Variants in BBS5 observed in about 807,000 individuals in gnomAD.
BBS5 encodes the protein Bardet-Biedl syndrome 5, also known as BBSome complex member BBS5.
A neutral mutation model predicts 50.2 loss-of-function variants in BBS5; 39 were observed. The ratio of observed to expected loss-of-function variants is 0.78; its 90% CI spans 0.60 to 1.01. The LOEUF (loss-of-function observed/expected upper bound fraction) is 1.01, where lower values mean the gene tolerates loss of function less well. Ranked by LOEUF, BBS5 falls within the 50% of genes least tolerant of loss-of-function variation. BBS5 has a pLI of 0.00. For missense variants in BBS5, 356 were observed against 401.5 expected (o/e 0.89, Z 0.97); for synonymous variants, 134 against 133.1 (o/e 1.01, Z -0.05).
In BBS5 at chr2:169,487,108, C is replaced by G. The variant is rs1683499518; in HGVS notation, c.182C>G (p.Ser61Cys). Reference protein sequence around the residue: ...LVTNLRILWHSLALSRVNVSV... With the variant: ...LVTNLRILWHCLALSRVNVSV... ...ACAAATTTAAGAATTCTCTGGCACT[C>G]TTTGGCATTATCAAGAGTCAATGTT... Residue 61 changes from serine to cysteine, a missense_variant, in exon 3 of 12, where the codon TCT (serine) becomes TGT (cysteine). Ser to Cys is a moderately radical substitution (Grantham distance 112). Transcript: ENST00000295240. The G allele has an allele frequency of 6.2e-7, 1 of 1,611,754 alleles. No individual in the cohort carries two copies. Among genetic ancestry groups the G allele is most frequent in the African/African-American group, 1.3e-5 (1 of 74,978 alleles).
intron 10 of BBS5, among the ~76,000 whole-genome samples, chr2:169,503,866 A>G (rs2105303965): frequency 6.6e-6 from 1 of 152,348 alleles, no homozygotes; most frequent in Non-Finnish European, 1.5e-5. Context: ...ATAAACTACT[A>G]CTGCCTCAAA....
chr2:169,481,426 G>T (rs937563334), intron 1 of BBS5, among the ~76,000 whole-genome samples: 3 of 152,176 alleles, frequency 2.0e-5, no homozygotes, highest in African/African-American at 4.8e-5. Context: ...GCAGAGAGAG[G>T]TTGGAAGTAC....
intron 2 of BBS5, among the ~76,000 whole-genome samples, chr2:169,484,955 AG>A (rs1683464273): frequency 6.7e-6 from 1 of 149,952 alleles, no homozygotes; most frequent in South Asian, 2.1e-4. Flanking sequence ...TTGGAGCCAT[AG>A]GCTGGGGTTC....
rs1215914413 is a variant in BBS5, at chr2:169,506,222, T to G, written c.*1640T>G. The G allele has an allele frequency of 1.4e-5, 2 of 143,024 alleles. No homozygotes were observed. Among genetic ancestry groups the G allele is most frequent in the African/African-American group, 2.8e-5 (1 of 35,696 alleles). 8.9% of individuals were successfully genotyped at this position (143,024 alleles called of 1,614,324 possible). On this transcript the variant is annotated 3_prime_UTR_variant, in exon 12 of 12. Coordinates refer to ENST00000295240, the MANE Select transcript of BBS5 (RefSeq NM_152384.3). ...CCGGCCAGCCGCCCCGTCCGGGAGG[T>G]TAGGGGCGCCTCTGCCCGGCCGCCC...
chr2:169,501,706 G>T (rs1359668199), intron 9 of BBS5, among the ~76,000 whole-genome samples: 1 of 152,052 alleles, frequency 6.6e-6, no homozygotes, highest in Non-Finnish European at 1.5e-5. Context: ...TCATGCCATT[G>T]CACTGCAGCA....
intron 5 of BBS5, among the ~76,000 whole-genome samples, chr2:169,488,546 C>T (rs1232096935): frequency 6.6e-6 from 1 of 152,166 alleles, no homozygotes; most frequent in African/African-American, 2.4e-5. Context: ...GCTCACTCAC[C>T]CCCCAACCAC....
chr2:169,498,449 AATGTC>A (rs1476716642), intron 8 of BBS5, among the ~76,000 whole-genome samples: 1 of 152,142 alleles, frequency 6.6e-6, no homozygotes, highest in Non-Finnish European at 1.5e-5. Context: ...AACTATACCA[AATGTC>A]ATATATATGT....
rs1420403039 is a variant in BBS5 at position 169,493,801 on chromosome 2, G to C, written c.583G>C (p.Asp195His). Reference sequence around the variant, plus strand: ...AATTGTGTGGCATGCAAATATGAATGATAGTTTTAATGTCAGTATACCATA... The same window carrying C: ...AATTGTGTGGCATGCAAATATGAATCATAGTTTTAATGTCAGTATACCATA... The part of the protein sequence containing the change: ...VRIVWHANMN[D>H]SFNVSIPYLQ... Residue 195 changes from aspartate (D) to histidine (H), a missense_variant, in exon 7 of 12, where the codon GAT (aspartate) becomes CAT (histidine). By Grantham distance (81) the Asp-to-His change is moderately conservative. Transcript: ENST00000295240. 9 of 1,611,950 alleles carry C rather than the reference G, an allele frequency of 5.6e-6. No individual in the cohort carries two copies. In the African/African-American group the frequency reaches 1.2e-4, roughly 22 times the overall value.
intron 9 of BBS5, 23 bp from the exon 10 acceptor site, chr2:169,503,072 T>C: frequency 6.3e-7 from 1 of 1,581,508 alleles, no homozygotes; most frequent in Non-Finnish European, 8.7e-7. Context: ...CTCTGATGCA[T>C]TTTAACATCT....
At chr2:169,499,684 T>G in intron 9 of BBS5, 64 bp downstream of exon 9, 1 of 1,480,378 alleles carries the variant, frequency 6.8e-7, no homozygotes, top group Non-Finnish European at 9.4e-7. Context: ...AATTCAGATG[T>G]AGATACCACT....
At chr2:169,503,248 G>A in intron 10 of BBS5, 70 bp downstream of exon 10, 1 of 1,258,328 alleles carries the variant, frequency 7.9e-7, no homozygotes, top group Non-Finnish European at 1.1e-6. Context: ...TAAAATAATG[G>A]TGTGTGTGAA....
intron 2 of BBS5, among the ~76,000 whole-genome samples, chr2:169,486,816 A>T (rs921507651): frequency 4.6e-5 from 7 of 152,176 alleles, no homozygotes; most frequent in Admixed American, 3.9e-4. Context: ...AGTCAGTTTG[A>T]GTTAGAGCAA....
chr2:169,504,656 A>G lies in BBS5; in HGVS notation c.*74A>G, dbSNP rs1683869657. 4.0e-6 allele frequency: 5 copies of G among 1,245,106 alleles called. No homozygotes were observed. The highest frequency in any genetic ancestry group is 3.5e-6 in the Non-Finnish European group (3 of 846,292). The allele number at this position is 1,245,106 out of a possible 1,614,324, so 77.1% of individuals were successfully genotyped here. On this transcript the variant is annotated 3_prime_UTR_variant, in exon 12 of 12. Transcript: ENST00000295240. ...AGATACTAGTCACCTGCCATAAGTC[A>G]TGGAATAGTTTTTATATTTACAGCT...
At chr2:169,502,433 A>G (rs1174524029) in intron 9 of BBS5, among the ~76,000 whole-genome samples, 1 of 152,222 alleles carries the variant, frequency 6.6e-6, no homozygotes, top group African/African-American at 2.4e-5. Context: ...GTTGAAGCAT[A>G]TAATAGTGTT....
chr2:169,486,165 G>A (rs1357065203), intron 2 of BBS5, among the ~76,000 whole-genome samples: 1 of 152,158 alleles, frequency 6.6e-6, no homozygotes, highest in Non-Finnish European at 1.5e-5. Flanking sequence ...TTTCACTCCA[G>A]TATTCGTACA....
intron 3 of BBS5, 74 bp from the exon 4 acceptor site, chr2:169,487,732 C>T (rs1683510326): frequency 3.7e-6 from 4 of 1,088,058 alleles, no homozygotes; most frequent in African/African-American, 3.2e-5. Context: ...TCTGTGTATA[C>T]TTTTTTTTTA....
intron 5 of BBS5, among the ~76,000 whole-genome samples, chr2:169,490,310 C>G (rs1186311851): frequency 6.6e-6 from 1 of 150,826 alleles, no homozygotes; most frequent in Admixed American, 6.6e-5. Flanking sequence ...TCTCCTGCCT[C>G]AGCCTCCCGA....
Position 169,489,517 on chromosome 2 carries a change from G to C in BBS5, c.386+1403G>C, listed in dbSNP as rs527799573. ...GACGGGGTCTCACTTTGTTGTCCAA[G>C]CTGGTTTCCAACTCCTGGGCTCAAG... On this transcript the variant is annotated intron_variant, in intron 5 of 11. Transcript: ENST00000295240. 6.6e-4 allele frequency among the ~76,000 whole-genome samples: 100 copies of C among 150,648 alleles called. No homozygotes were observed. The South Asian group carries it at 0.021, about 31-fold the overall frequency.
At chr2:169,503,694 A>C (rs1259016473) in intron 10 of BBS5, among the ~76,000 whole-genome samples, 1 of 152,234 alleles carries the variant, frequency 6.6e-6, no homozygotes, top group African/African-American at 2.4e-5. Context: ...TTTGAAATGG[A>C]CATGTATTTG....
Sources: allele counts gnomAD v4.1 joint callset (sites outside exome capture counted in the v4.1 genomes callset), GRCh38; gene constraint gnomAD v4.1.1; transcripts MANE v1.5; gene names NCBI Gene and HGNC (gene_info 2026-07-23, HGNC 2026-07-21).